Variants in SCAF11 observed in about 807,000 individuals in gnomAD.
SCAF11 encodes the protein protein SCAF11.
A neutral mutation model predicts 140.5 loss-of-function variants in SCAF11; 47 were observed. That is an observed-to-expected ratio of 0.33 (90% CI 0.26 to 0.43). The LOEUF (loss-of-function observed/expected upper bound fraction) is 0.43. Ranked by LOEUF, SCAF11 falls within the 20% of genes least tolerant of loss-of-function variation. The pLI is 1.00. For missense variants in SCAF11, 1,645 were observed against 1,705.1 expected, an observed-to-expected ratio of 0.96 and a Z score of 0.62; for synonymous variants, 557 against 579.4, an observed-to-expected ratio of 0.96 and a Z score of 0.55.
At chr12:45,936,651 C>T (rs1344948554) in intron 6 of SCAF11, among the ~76,000 whole-genome samples, 1 of 152,102 alleles carries the variant, frequency 6.6e-6, no homozygotes, top group Non-Finnish European at 1.5e-5. Flanking sequence ...GAACTGGTAA[C>T]TCTCAAAGCT....
rs1454723866 is a variant in SCAF11, at chr12:45,983,547, AC to A, written c.-22+6805del. 2.0e-5 allele frequency among the ~76,000 whole-genome samples: 3 copies of A among 152,144 alleles called. No homozygotes were observed. The East Asian group carries it at 5.8e-4, about 29-fold the overall frequency. On this transcript the variant is annotated intron_variant, in intron 1 of 14. Transcript: ENST00000369367. ...ACTGCATTAAAAAGGCTTAAAAATC[AC>A]CCACTAAACAAAGCTAACTTAAGAG...
At position 45,928,122 on chromosome 12, in the gene SCAF11, C is replaced by T; in HGVS notation, c.1579G>A (p.Asp527Asn). 1 of 1,613,946 alleles carries T rather than the reference C, an allele frequency of 6.2e-7. No individual in the cohort carries two copies. The highest frequency in any genetic ancestry group is 8.5e-7 in the Non-Finnish European group (1 of 1,179,982). The change falls in exon 11 of 15, where the codon GAC (aspartate) becomes AAC (asparagine). Residue 527 changes from aspartate to asparagine, a missense_variant. Physicochemically the swap from Asp to Asn is conservative, Grantham distance 23. This residue lies in a region of SCAF11 where 1,582 missense variants were observed against 1,609.2 expected (regional missense o/e 0.98). Coordinates refer to ENST00000369367, the MANE Select transcript of SCAF11 (RefSeq NM_004719.3). The part of the protein sequence containing the change: ...EKGGDPLEKQ[D>N]QISGLSQSEV... ...GATTGTGAAAGTCCAGATATCTGGTCTTGCTTTTCCAATGGATCACCTCCT... is the reference window on the plus strand; with the variant it reads ...GATTGTGAAAGTCCAGATATCTGGTTTTGCTTTTCCAATGGATCACCTCCT...
chr12:45,940,940 G>A (rs182941123), intron 6 of SCAF11, among the ~76,000 whole-genome samples: 91 of 152,226 alleles, frequency 6.0e-4, no homozygotes, highest in African/African-American at 2.0e-3. Flanking sequence ...GAGTAGCTGG[G>A]ACTACAGGTG....
intron 2 of SCAF11, among the ~76,000 whole-genome samples, chr12:45,963,541 A>G (rs1945872150): frequency 6.6e-6 from 1 of 152,214 alleles, no homozygotes; most frequent in African/African-American, 2.4e-5. Flanking sequence ...GATTAAAAAA[A>G]TTCAGAGTTT....
chr12:45,930,834 T>C (rs1026477196), intron 10 of SCAF11: 1 of 152,160 alleles, frequency 6.6e-6, no homozygotes, highest in Non-Finnish European at 1.5e-5. Context: ...ATGACATACC[T>C]TTTTCTTAAT....
intron 6 of SCAF11, among the ~76,000 whole-genome samples, chr12:45,942,405 C>A (rs1945323046): frequency 1.3e-5 from 2 of 152,226 alleles, no homozygotes; most frequent in African/African-American, 2.4e-5. Context: ...ATTTCCACTT[C>A]TACTCTTATT....
chr12:45,945,148 AT>A, intron 6 of SCAF11, 100 bp downstream of exon 6: 3 of 763,408 alleles, frequency 3.9e-6, no homozygotes, highest in East Asian at 5.0e-5. Context: ...TCTGAGGACT[AT>A]TTTCCAGCCT....
intron 1 of SCAF11, among the ~76,000 whole-genome samples, chr12:45,970,386 GAA>G (rs1289572433): frequency 1.3e-5 from 2 of 152,216 alleles, no homozygotes; most frequent in Non-Finnish European, 2.9e-5. Context: ...TACACAGAAA[GAA>G]GAGGGATATA....
intron 1 of SCAF11, among the ~76,000 whole-genome samples, chr12:45,968,341 G>A (rs773715585): frequency 3.3e-5 from 5 of 151,734 alleles, no homozygotes; most frequent in Non-Finnish European, 7.4e-5. Flanking sequence ...TATCTTTTTA[G>A]TCTGTGACCC....
chr12:45,970,898 T>G (rs1946056764), intron 1 of SCAF11, among the ~76,000 whole-genome samples: 1 of 152,112 alleles, frequency 6.6e-6, no homozygotes, highest in Admixed American at 6.5e-5. Context: ...TGGAAGCGAG[T>G]GCCAAAATAA....
chr12:45,963,353 T>C (rs192204766), intron 2 of SCAF11, among the ~76,000 whole-genome samples: 57 of 151,218 alleles, frequency 3.8e-4, no homozygotes, highest in Non-Finnish European at 5.8e-4. Flanking sequence ...AAGCAGAAAA[T>C]TGGAAAAGAC....
chr12:45,923,785 T>C (rs2136494308), intron 12 of SCAF11, among the ~76,000 whole-genome samples: 1 of 151,718 alleles, frequency 6.6e-6, no homozygotes, highest in Middle Eastern at 3.4e-3. Context: ...CAGGTTCAAG[T>C]GATTCTTGAG....
rs761308021 is a variant in SCAF11, at chr12:45,927,787, A to C, written c.1914T>G (p.Val638=). The change falls in exon 11 of 15, where the codon GTT becomes GTG. Residue 638 remains valine, a synonymous_variant. Coordinates refer to ENST00000369367, the MANE Select transcript of SCAF11 (RefSeq NM_004719.3). ...KSPEVQLLGH[V]ETEDVEIIAT... is the part of the protein sequence containing the mutation. ...CAATTATTTCTACATCTTCAGTTTC[A>C]ACATGCCCAAGCAATTGAACCTCTG... 6.2e-7 allele frequency: 1 copy of C among 1,613,646 alleles called. No homozygotes were observed. The highest frequency in any genetic ancestry group is 8.5e-7 in the Non-Finnish European group (1 of 1,179,834).
chr12:45,929,530 C>T (rs1940938484), intron 10 of SCAF11: 1 of 152,136 alleles, frequency 6.6e-6, no homozygotes, highest in African/African-American at 2.4e-5. Flanking sequence ...AAGACTCAAA[C>T]TATTTATTAA....
intron 1 of SCAF11, among the ~76,000 whole-genome samples, chr12:45,986,071 G>A (rs1489410010): frequency 6.6e-6 from 1 of 152,196 alleles, no homozygotes; most frequent in East Asian, 1.9e-4. Context: ...AGGTCATTGT[G>A]GTTCCATCCT....
At chr12:45,935,888 GATC>G (rs1945162290) in intron 6 of SCAF11, among the ~76,000 whole-genome samples, 5 of 151,964 alleles carry the variant, frequency 3.3e-5, no homozygotes, top group African/African-American at 1.2e-4. Context: ...GTTTCCTGAA[GATC>G]GTTTCACAAA....
chr12:45,959,482 T>C (rs1423378342), intron 3 of SCAF11, among the ~76,000 whole-genome samples: 1 of 152,242 alleles, frequency 6.6e-6, no homozygotes, highest in Non-Finnish European at 1.5e-5. Context: ...CATGGCCTGT[T>C]AGAAGGCTGA....
At position 45,964,209 on chromosome 12, in the gene SCAF11, G is replaced by A. The variant is rs372540931; in HGVS notation, c.-21-21C>T. 6.1e-6 allele frequency: 7 copies of A among 1,153,920 alleles called. No homozygotes were observed. In the East Asian group the frequency reaches 1.5e-4, roughly 24 times the overall value. The allele number at this position is 1,153,920 out of a possible 1,614,324, so 71.5% of individuals were successfully genotyped here. The stretch of plus-strand genomic sequence containing the variant: ...GTTTCCTATAAGATAAATTATAATA[G>A]AGAATTTTATGTTTGCCTTCTCCCA... On this transcript the variant is annotated intron_variant, in intron 1 of 14. Coordinates refer to ENST00000369367, the MANE Select transcript of SCAF11 (RefSeq NM_004719.3).
In SCAF11 at chr12:45,961,843, C is replaced by T; in HGVS notation, c.76G>A (p.Asp26Asn). The change falls in exon 3 of 15, where the codon GAT becomes AAT. Residue 26 changes from aspartate to asparagine, a missense_variant. Coordinates refer to ENST00000369367, the MANE Select transcript of SCAF11 (RefSeq NM_004719.3). ...YEDMEGEENG[D>N]NTISTGLLYS... ...AACAGACCAGTGGAAATAGTATTATCTCCGTTTTCTTCACCTGTTAAAGTA... is the reference window on the plus strand; with the variant it reads ...AACAGACCAGTGGAAATAGTATTATTTCCGTTTTCTTCACCTGTTAAAGTA... 6.2e-7 allele frequency: 1 copy of T among 1,600,948 alleles called. No individual in the cohort carries two copies. Among genetic ancestry groups the T allele is most frequent in the Non-Finnish European group, 8.5e-7 (1 of 1,174,986 alleles).
Sources: gnomAD v4.1 joint callset for allele counts (sites outside exome capture counted in the v4.1 genomes callset) on GRCh38, gnomAD v4.1.1 for gene constraint, gnomAD v4.1.1 regional missense constraint, MANE v1.5 for transcripts, NCBI Gene and HGNC (gene_info 2026-07-23, HGNC 2026-07-21) for gene names.